Variants in RANBP17 observed in about 807,000 individuals in gnomAD.
The protein encoded by RANBP17 is ran-binding protein 17.
RANBP17 carries 158 observed loss-of-function variants against 141.2 expected under a neutral mutation model. That is an observed-to-expected ratio of 1.12 (90% CI 0.98 to 1.28). The LOEUF is 1.28. Ranked by LOEUF, RANBP17 falls within the 50% of genes most tolerant of loss-of-function variation. The pLI, the probability that RANBP17 is intolerant of heterozygous loss-of-function variation, is 0.00. For synonymous variants in RANBP17, 430 were observed against 450.0 expected (o/e 0.96, Z 0.56); for missense variants, 1,438 against 1,290.7 (o/e 1.11, Z -1.75).
intron 13 of RANBP17, among the ~76,000 whole-genome samples, chr5:170,956,812 C>T (rs1339204026): frequency 6.6e-6 from 1 of 151,416 alleles, no homozygotes; most frequent in African/African-American, 2.4e-5. Context: ...TGGCTCATGC[C>T]TGTAATCCCA....
At chr5:170,904,992 A>G (rs1770962013) in intron 5 of RANBP17, among the ~76,000 whole-genome samples, 1 of 152,162 alleles carries the variant, frequency 6.6e-6, no homozygotes. Context: ...AAAGAATTCT[A>G]ATTTGTACAC....
chr5:171,061,841 G>C (rs1310400261), intron 14 of RANBP17, among the ~76,000 whole-genome samples: 1 of 152,164 alleles, frequency 6.6e-6, no homozygotes. Context: ...ATGAATCTGG[G>C]TGCTCCTGTA....
At chr5:171,026,496 C>G (rs1781243219) in intron 14 of RANBP17, among the ~76,000 whole-genome samples, 1 of 152,126 alleles carries the variant, frequency 6.6e-6, no homozygotes, top group Non-Finnish European at 1.5e-5. Context: ...CTATATTTTC[C>G]CCCTTTTCAT....
At chr5:171,156,210 A>G (rs1758884139) in intron 14 of RANBP17, among the ~76,000 whole-genome samples, 1 of 152,116 alleles carries the variant, frequency 6.6e-6, no homozygotes, top group Non-Finnish European at 1.5e-5. Context: ...CAGAATTGGC[A>G]CATTCTGGGT....
intron 14 of RANBP17, among the ~76,000 whole-genome samples, chr5:170,970,215 G>A (rs1234264931): frequency 6.6e-6 from 1 of 151,746 alleles, no homozygotes; most frequent in Admixed American, 6.6e-5. Flanking sequence ...GGAAGAGTGA[G>A]TGGAACATAT....
At chr5:171,063,871 C>T (rs1029915197) in intron 14 of RANBP17, among the ~76,000 whole-genome samples, 8 of 152,258 alleles carry the variant, frequency 5.3e-5, no homozygotes, top group African/African-American at 9.6e-5. Flanking sequence ...CAATGGCGGG[C>T]GCCCCTCCCC....
chr5:170,959,611 C>T (rs1478319092), intron 13 of RANBP17, among the ~76,000 whole-genome samples: 2 of 152,154 alleles, frequency 1.3e-5, no homozygotes, highest in Non-Finnish European at 2.9e-5. Flanking sequence ...ACTTTAGACT[C>T]CCCCCAAATT....
chr5:171,274,143 T>TGTGC (rs1767332049), intron 25 of RANBP17, among the ~76,000 whole-genome samples: 1 of 130,480 alleles, frequency 7.7e-6, no homozygotes, highest in East Asian at 2.1e-4. Flanking sequence ...TGTGTGTGTG[T>TGTGC]GTGTGTGCGC....
chr5:171,184,913 A>T (rs542291337), intron 18 of RANBP17, among the ~76,000 whole-genome samples: 1 of 152,290 alleles, frequency 6.6e-6, no homozygotes, highest in African/African-American at 2.4e-5. Context: ...CTGTAATCCC[A>T]GCACTTTGGG....
chr5:170,905,931 T>TA (rs1326643920), intron 5 of RANBP17, among the ~76,000 whole-genome samples: 1 of 152,092 alleles, frequency 6.6e-6, no homozygotes, highest in Non-Finnish European at 1.5e-5. Flanking sequence ...GAAGTTCTGG[T>TA]AAATGTGCAG....
chr5:171,241,739 A>G (rs1397278114), intron 23 of RANBP17, among the ~76,000 whole-genome samples: 2 of 152,338 alleles, frequency 1.3e-5, no homozygotes, highest in African/African-American at 2.4e-5. Flanking sequence ...TATGGTTCCA[A>G]GAATTTTTCT....
At chr5:170,982,261 C>CCTAA (rs3075510) in intron 14 of RANBP17, among the ~76,000 whole-genome samples, 103,991 of 151,478 alleles carry the variant, frequency 0.69, 35,853 homozygotes, top group South Asian at 0.89. Context: ...TTAAAATCAG[C>CCTAA]CTGCTTATGA....
chr5:171,161,321 C>T (rs1759336532), intron 14 of RANBP17: 2 of 181,226 alleles, frequency 1.1e-5, no homozygotes, highest in Middle Eastern at 2.0e-3. Context: ...TTGTCAGCCA[C>T]TTTCTCCTTT....
intron 12 of RANBP17, among the ~76,000 whole-genome samples, chr5:170,952,710 G>A (rs1775303709): frequency 6.6e-6 from 1 of 151,908 alleles, no homozygotes; most frequent in African/African-American, 2.4e-5. Flanking sequence ...TCAGTATTAT[G>A]AAATAGCCCT....
At chr5:171,038,728 CTATTGAG>C (rs1782047836) in intron 14 of RANBP17, among the ~76,000 whole-genome samples, 1 of 152,008 alleles carries the variant, frequency 6.6e-6, no homozygotes, top group Non-Finnish European at 1.5e-5. Flanking sequence ...TTTTCCACAT[CTATTGAG>C]ATGATTTGTT....
chr5:171,199,879 C>G, intron 19 of RANBP17, 106 bp downstream of exon 19: 1 of 545,292 alleles, frequency 1.8e-6, no homozygotes, highest in South Asian at 3.5e-5. Context: ...CCTCCTCAGA[C>G]CTGCTTTCCC....
At chr5:171,121,909 G>A (rs1022041963) in intron 14 of RANBP17, among the ~76,000 whole-genome samples, 1 of 152,204 alleles carries the variant, frequency 6.6e-6, no homozygotes, top group Non-Finnish European at 1.5e-5. Context: ...CGTGGGGTGA[G>A]TAGAGGGTGG....
intron 14 of RANBP17, among the ~76,000 whole-genome samples, chr5:171,055,850 C>A: frequency 1.0e-5 from 1 of 98,832 alleles, no homozygotes; most frequent in Non-Finnish European, 1.9e-5. Flanking sequence ...CTTGGCAAAA[C>A]AACCAGTTTC....
At chr5:170,919,151 G>A (rs1410817975) in intron 10 of RANBP17, among the ~76,000 whole-genome samples, 2 of 151,790 alleles carry the variant, frequency 1.3e-5, no homozygotes, top group African/African-American at 2.4e-5. Context: ...AATTTTAAGG[G>A]AGAGATTATA....
Sources: gnomAD v4.1 joint callset for allele counts (sites outside exome capture counted in the v4.1 genomes callset) on GRCh38, gnomAD v4.1.1 for gene constraint, MANE v1.5 for transcripts, NCBI Gene and HGNC (gene_info 2026-07-23, HGNC 2026-07-21) for gene names.